Variants in EEPD1 observed in about 807,000 individuals in gnomAD.
EEPD1 encodes the protein endonuclease/exonuclease/phosphatase family domain containing 1.
In EEPD1, 17 loss-of-function variants were observed where a neutral mutation model predicts 46.3. The observed-to-expected ratio is 0.37, with a 90% CI of 0.25 to 0.55. The LOEUF (loss-of-function observed/expected upper bound fraction) is 0.55. EEPD1 is among the 20% of genes least tolerant of loss of function. EEPD1 has a pLI of 0.83. For missense variants in EEPD1, 673 were observed against 745.6 expected, an observed-to-expected ratio of 0.90 and a Z score of 1.13; for synonymous variants, 313 against 315.6, an observed-to-expected ratio of 0.99 and a Z score of 0.09.
chr7:36,229,544 T>G (rs559804426), intron 2 of EEPD1, among the ~76,000 whole-genome samples: 2 of 152,316 alleles, frequency 1.3e-5, no homozygotes, highest in Admixed American at 1.3e-4. Flanking sequence ...CCCAACATGT[T>G]GTACCTAGAT....
At position 36,273,170 on chromosome 7, in the gene EEPD1, C is replaced by T. The variant is rs183999117; in HGVS notation, c.931-7945C>T. Among the ~76,000 whole-genome samples the T allele has an allele frequency of 1.4e-4, 20 of 141,188 alleles. No homozygotes were observed. In the East Asian group the frequency reaches 4.1e-3, roughly 29 times the overall value. The allele number at this position is 141,188 out of a possible 152,430, so 92.6% of individuals were successfully genotyped here. A position where few individuals can be genotyped will look rare whatever the true frequency, so the allele number is the denominator to read the frequency against. ...CACACACACACACACACTCACGGGT[C>T]GATTGGTTTCTGTTTACTGAGTGTC... is the stretch of plus-strand genomic sequence containing the variant. On this transcript the variant is annotated intron_variant, in intron 3 of 7. Coordinates refer to ENST00000242108, the MANE Select transcript of EEPD1 (RefSeq NM_030636.3).
rs572477256 is a variant in EEPD1 at position 36,223,749 on chromosome 7, CA to C, written c.879-15235del. ...CTTAAGGTATCCCAAAGCCAAGGGT[CA>C]GGGGGAGAAGGATGAAAAGTTAATA... On this transcript the variant is annotated intron_variant, in intron 2 of 7. Transcript: ENST00000242108. Among the ~76,000 whole-genome samples, 84 of 152,254 alleles carry C rather than the reference CA, an allele frequency of 5.5e-4. No homozygotes were observed. In the South Asian group the frequency reaches 6.6e-3, roughly 12 times the overall value.
intron 2 of EEPD1, among the ~76,000 whole-genome samples, chr7:36,184,229 A>T (rs1583793883): frequency 6.6e-6 from 1 of 152,162 alleles, no homozygotes; most frequent in African/African-American, 2.4e-5. Context: ...TAATTTTCTC[A>T]TGTTATGAAG....
chr7:36,242,312 C>T (rs1712770523), intron 3 of EEPD1, among the ~76,000 whole-genome samples: 1 of 152,138 alleles, frequency 6.6e-6, no homozygotes, highest in Non-Finnish European at 1.5e-5. Context: ...TTCTCTCTCC[C>T]CGAGTCTGCT....
intron 2 of EEPD1, among the ~76,000 whole-genome samples, chr7:36,233,589 T>C (rs1786375361): frequency 6.6e-6 from 1 of 152,150 alleles, no homozygotes; most frequent in Non-Finnish European, 1.5e-5. Context: ...CACCCCGATA[T>C]ACTCATGCTT....
intron 6 of EEPD1, among the ~76,000 whole-genome samples, chr7:36,291,438 C>T (rs1382511950): frequency 6.6e-6 from 1 of 152,184 alleles, no homozygotes; most frequent in Non-Finnish European, 1.5e-5. Context: ...CTGTTTCGTA[C>T]CTGCAGAAGG....
chr7:36,268,052 T>C (rs964863989), intron 3 of EEPD1, among the ~76,000 whole-genome samples: 10 of 152,178 alleles, frequency 6.6e-5, no homozygotes, highest in African/African-American at 2.4e-4. Flanking sequence ...AATATTTGTT[T>C]TTTGAGCCAC....
At chr7:36,196,646 G>A (rs1488664983) in intron 2 of EEPD1, among the ~76,000 whole-genome samples, 2 of 152,348 alleles carry the variant, frequency 1.3e-5, no homozygotes, top group East Asian at 3.9e-4. Context: ...GCTCCTAGCC[G>A]CGAGTGATCT....
intron 2 of EEPD1, among the ~76,000 whole-genome samples, chr7:36,187,791 TA>T (rs1471004262): frequency 1.3e-5 from 2 of 152,150 alleles, no homozygotes; most frequent in Non-Finnish European, 2.9e-5. Flanking sequence ...ATTGTGCTGG[TA>T]TTTTTTTATT....
chr7:36,245,379 C>T (rs966821509), intron 3 of EEPD1, among the ~76,000 whole-genome samples: 2 of 152,174 alleles, frequency 1.3e-5, no homozygotes, highest in East Asian at 1.9e-4. Context: ...GTTTCACCTG[C>T]CCTACTTACC....
chr7:36,263,338 G>C lies in EEPD1; in HGVS notation c.931-17777G>C, dbSNP rs114360808. Among the ~76,000 whole-genome samples the C allele has an allele frequency of 2.8e-3, 423 of 151,980 alleles. 2 individuals are homozygous for C. Among genetic ancestry groups the C allele is most frequent in the African/African-American group, 9.5e-3 (395 of 41,510 alleles). On this transcript the variant is annotated intron_variant, in intron 3 of 7. Transcript: ENST00000242108. ...CAGAGAACACCCTGTCTCAAGGGAG[G>C]GGGGGGAAAAAGCAGAGTTAATTAG...
At chr7:36,267,474 G>A (rs1195302807) in intron 3 of EEPD1, among the ~76,000 whole-genome samples, 2 of 152,042 alleles carry the variant, frequency 1.3e-5, no homozygotes, top group East Asian at 3.9e-4. Context: ...GTGCTGCCTA[G>A]CATGCTCTCC....
At chr7:36,288,400 C>T (rs1474287994) in intron 6 of EEPD1, among the ~76,000 whole-genome samples, 1 of 152,086 alleles carries the variant, frequency 6.6e-6, no homozygotes, top group Non-Finnish European at 1.5e-5. Flanking sequence ...ATACCAAGCA[C>T]ATAGTAGGGA....
chr7:36,159,976 G>T (rs1260321253), intron 2 of EEPD1, among the ~76,000 whole-genome samples: 1 of 152,216 alleles, frequency 6.6e-6, no homozygotes, highest in Non-Finnish European at 1.5e-5. Context: ...TGAATGCAGG[G>T]AACTTCCAAT....
intron 2 of EEPD1, among the ~76,000 whole-genome samples, chr7:36,214,758 A>C (rs1344892998): frequency 1.3e-5 from 2 of 152,216 alleles, no homozygotes; most frequent in Admixed American, 6.5e-5. Context: ...GCGCTGGCTG[A>C]CATTGACGCA....
intron 2 of EEPD1, among the ~76,000 whole-genome samples, chr7:36,166,342 T>C (rs982470732): frequency 3.9e-5 from 6 of 152,242 alleles, no homozygotes; most frequent in African/African-American, 1.4e-4. Flanking sequence ...CTTCTATCTT[T>C]TAAACTTTGA....
chr7:36,171,368 A>C (rs1489525271), intron 2 of EEPD1, among the ~76,000 whole-genome samples: 1 of 152,254 alleles, frequency 6.6e-6, no homozygotes, highest in Non-Finnish European at 1.5e-5. Flanking sequence ...AAAACAAACC[A>C]AAAAACATAT....
At chr7:36,179,873 A>T (rs1041908071) in intron 2 of EEPD1, among the ~76,000 whole-genome samples, 7 of 152,170 alleles carry the variant, frequency 4.6e-5, no homozygotes, top group African/African-American at 1.7e-4. Flanking sequence ...GTGTTGCTGG[A>T]TGCTGTTTGT....
At chr7:36,280,178 T>C (rs1787238066) in intron 3 of EEPD1, among the ~76,000 whole-genome samples, 1 of 152,138 alleles carries the variant, frequency 6.6e-6, no homozygotes, top group African/African-American at 2.4e-5. Context: ...CAGGTGGAGA[T>C]GCTAAGGAGG....
Sources: gnomAD v4.1 joint callset for allele counts (sites outside exome capture counted in the v4.1 genomes callset) on GRCh38, gnomAD v4.1.1 for gene constraint, MANE v1.5 for transcripts, NCBI Gene and HGNC (gene_info 2026-07-23, HGNC 2026-07-21) for gene names.